The following CCDC82 variants were observed in gnomAD, a reference collection of about 807,000 sequenced individuals.
CCDC82 encodes the protein coiled-coil domain containing 82.
CCDC82 carries 47 observed loss-of-function variants against 60.6 expected under a neutral mutation model. That is an observed-to-expected ratio of 0.77 (90% CI 0.61 to 0.99). The LOEUF (loss-of-function observed/expected upper bound fraction) is 0.99, where lower values mean the gene tolerates loss of function less well. Ranked by LOEUF, CCDC82 falls within the 50% of genes least tolerant of loss-of-function variation. The pLI, the probability that CCDC82 is intolerant of heterozygous loss-of-function variation, is 0.00. For missense variants in CCDC82, 588 were observed against 633.0 expected (o/e 0.93, Z 0.76); for synonymous variants, 212 against 207.4 (o/e 1.02, Z -0.19).
In CCDC82 at chr11:96,358,159, A is replaced by G. The variant is rs567307567; in HGVS notation, c.1566+834T>C. 21 of 988,162 alleles carry G rather than the reference A, an allele frequency of 2.1e-5. No homozygotes were observed. The East Asian group carries it at 2.2e-3, about 105-fold the overall frequency. The allele number at this position is 988,162 out of a possible 1,614,324, so 61.2% of individuals were successfully genotyped here. ...CCCTATGATATAGTCCAGGCAATGGATCTCAAGTTAGGCTTTTTTCTTTTC... is the reference window on the plus strand; with the variant it reads ...CCCTATGATATAGTCCAGGCAATGGGTCTCAAGTTAGGCTTTTTTCTTTTC... On this transcript the variant is annotated intron_variant, in intron 9 of 9. Transcript: ENST00000646818.
chr11:96,382,951 T>C (rs1212865050), intron 5 of CCDC82: 1 of 208,378 alleles, frequency 4.8e-6, no homozygotes, highest in African/African-American at 2.3e-5. Flanking sequence ...GTTATTTACA[T>C]TAATGTAATA....
chr11:96,354,139 A>G, intron 9 of CCDC82: 1 of 154,792 alleles, frequency 6.5e-6, no homozygotes, highest in Non-Finnish European at 1.4e-5. Flanking sequence ...TAATACACCA[A>G]TAACAATCAG....
intron 5 of CCDC82, chr11:96,381,518 AT>A (rs1240813121): frequency 1.3e-5 from 2 of 151,812 alleles, no homozygotes; most frequent in African/African-American, 2.4e-5. Context: ...AAGAAAAAAA[AT>A]AAAAGTATAT....
intron 7 of CCDC82, among the ~76,000 whole-genome samples, chr11:96,367,218 TAA>T (rs1864995449): frequency 6.6e-6 from 1 of 152,204 alleles, no homozygotes; most frequent in African/African-American, 2.4e-5. Flanking sequence ...AAGACAACAA[TAA>T]AGTTTGTTGC....
At chr11:96,355,930 C>CA (rs1406967445) in intron 9 of CCDC82, 1 of 151,888 alleles carries the variant, frequency 6.6e-6, no homozygotes, top group African/African-American at 2.4e-5. Flanking sequence ...GGAAAGAGGT[C>CA]AGAATATAAG....
intron 9 of CCDC82, chr11:96,357,639 A>T: frequency 2.0e-6 from 2 of 983,534 alleles, no homozygotes; most frequent in Non-Finnish European, 1.2e-6. Context: ...TATACAGTAT[A>T]TGCACAGTGA....
intron 9 of CCDC82, chr11:96,357,344 G>A: frequency 1.0e-6 from 1 of 985,066 alleles, no homozygotes; most frequent in Non-Finnish European, 1.2e-6. Flanking sequence ...TGTGTATACT[G>A]TCCTAGACAT....
intron 6 of CCDC82, among the ~76,000 whole-genome samples, chr11:96,372,467 C>T (rs1318765488): frequency 6.6e-6 from 1 of 151,438 alleles, no homozygotes; most frequent in African/African-American, 2.4e-5. Context: ...GTCACATCCC[C>T]AGCCCTCAAA....
chr11:96,367,411 T>G (rs905599240), intron 7 of CCDC82, among the ~76,000 whole-genome samples: 1 of 152,262 alleles, frequency 6.6e-6, no homozygotes, highest in Non-Finnish European at 1.5e-5. Flanking sequence ...CAACAATGTT[T>G]GTAGTATCTT....
intron 1 of CCDC82, chr11:96,388,320 G>A (rs1196439617): frequency 3.9e-5 from 6 of 152,166 alleles, no homozygotes; most frequent in African/African-American, 7.2e-5. Context: ...TTCTGTATAT[G>A]TTGAATATAC....
intron 5 of CCDC82, chr11:96,382,790 AC>A (rs141488722): frequency 0.017 from 2,637 of 152,176 alleles, 34 homozygotes; most frequent in Middle Eastern, 0.027. Flanking sequence ...ATACACTTCA[AC>A]CAAAACAACA....
At chr11:96,371,523 A>G (rs1865273843) in intron 6 of CCDC82, among the ~76,000 whole-genome samples, 1 of 152,214 alleles carries the variant, frequency 6.6e-6, no homozygotes, top group South Asian at 2.1e-4. Context: ...GGGAGCTTAT[A>G]GTGAGCTGAG....
intron 7 of CCDC82, among the ~76,000 whole-genome samples, chr11:96,365,427 C>T (rs1425333639): frequency 2.6e-5 from 4 of 152,068 alleles, no homozygotes; most frequent in Non-Finnish European, 1.5e-5. Context: ...TACTTCTTTT[C>T]CATTTCTCAT....
chr11:96,357,549 T>C (rs1864411301), intron 9 of CCDC82: 3 of 985,384 alleles, frequency 3.0e-6, no homozygotes, highest in Non-Finnish European at 1.2e-6. Context: ...TTAAGCTTTT[T>C]CTAGGATACA....
intron 5 of CCDC82, among the ~76,000 whole-genome samples, chr11:96,374,085 G>C (rs1865437082): frequency 6.6e-6 from 1 of 152,192 alleles, no homozygotes; most frequent in South Asian, 2.1e-4. Flanking sequence ...GTGGTTAAGA[G>C]AGAAGATTCC....
chr11:96,384,014 T>C lies in CCDC82; in HGVS notation c.734A>G (p.Glu245Gly), dbSNP rs140570301. 1.9e-6 allele frequency: 3 copies of C among 1,613,476 alleles called. No individual in the cohort carries two copies. In the African/African-American group the frequency reaches 4.0e-5, roughly 22 times the overall value. ...CTGACGAGATCTTTGTTTTGAGAGT[T>C]CTTTGAGCTTCTGAAGTTTTTCTCG... ...QKREKLQKLK[E>G]LSKQRSRQRR... Residue 245 changes from glutamate (E) to glycine (G), a missense_variant, in exon 4 of 10, where the codon GAA (glutamate) becomes GGA (glycine). Physicochemically the swap from Glu to Gly is moderately conservative, Grantham distance 98 (BLOSUM62 -2). Coordinates refer to ENST00000646818, the MANE Select transcript of CCDC82 (RefSeq NM_024725.4).
chr11:96,366,572 C>G (rs750657981), intron 7 of CCDC82, among the ~76,000 whole-genome samples: 19 of 152,106 alleles, frequency 1.2e-4, no homozygotes, highest in African/African-American at 4.3e-4. Context: ...GAGACAGTTT[C>G]CTCATCTCTA....
At chr11:96,357,915 G>C in intron 9 of CCDC82, 3 of 985,380 alleles carry the variant, frequency 3.0e-6, no homozygotes, top group Non-Finnish European at 3.6e-6. Context: ...TAAAATGAGA[G>C]AAAGACTTAA....
intron 5 of CCDC82, among the ~76,000 whole-genome samples, chr11:96,374,148 T>C: frequency 6.6e-6 from 1 of 152,188 alleles, no homozygotes; most frequent in Non-Finnish European, 1.5e-5. Flanking sequence ...GGAAATGTTC[T>C]CTATCAACCA....
Sources: gnomAD v4.1 joint callset for allele counts (sites outside exome capture counted in the v4.1 genomes callset) on GRCh38, gnomAD v4.1.1 for gene constraint, MANE v1.5 for transcripts, NCBI Gene and HGNC (gene_info 2026-07-23, HGNC 2026-07-21) for gene names.